The following ASNSD1 variants were observed in gnomAD, a reference collection of about 807,000 sequenced individuals.
The protein encoded by ASNSD1 is asparagine synthetase domain containing 1.
A neutral mutation model predicts 48.3 loss-of-function variants in ASNSD1; 36 were observed. The ratio of observed to expected loss-of-function variants is 0.75; its 90% CI spans 0.57 to 0.99. ASNSD1 has a LOEUF of 0.99. Among genes scored for constraint, ASNSD1 ranks in the 50% least tolerant of loss-of-function variants. ASNSD1 has a pLI of 0.00. For synonymous variants in ASNSD1, 257 were observed against 262.1 expected (o/e 0.98, Z 0.19); for missense variants, 714 against 758.2 (o/e 0.94, Z 0.69).
rs746917768 is a variant in ASNSD1, at chr2:189,666,525, A to G, written c.393A>G (p.Leu131=). The change falls in exon 4 of 6, where the codon TTA becomes TTG. Residue 131 remains leucine, a synonymous_variant. Transcript: ENST00000260952. Reference sequence around the variant, plus strand: ...ATTATCAAGCATCTAGTCATTATTTATGGTTTGGTAGGGATTTTTTTGGTC... The same window carrying G: ...ATTATCAAGCATCTAGTCATTATTTGTGGTTTGGTAGGGATTTTTTTGGTC... ...FIYYQASSHY[L]WFGRDFFGRR... 8 of 1,613,454 alleles carry G rather than the reference A, an allele frequency of 5.0e-6. No individual in the cohort carries two copies. The African/African-American group carries it at 1.1e-4, about 22-fold the overall frequency.
At position 189,667,534 on chromosome 2, in the gene ASNSD1, T is replaced by C. The variant is rs1305653411; in HGVS notation, c.1402T>C (p.Ser468Pro). ...CATTGGCTGTGCAGTCTGGTTTGCT[T>C]CTAGAGGAATTGGTTGGTTAGTGGC... ...DSIGCAVWFA[S>P]RGIGWLVAQE... is the part of the protein sequence containing the mutation. Residue 468 changes from serine (S) to proline (P), a missense_variant, in exon 4 of 6, where the codon TCT becomes CCT. Coordinates refer to ENST00000260952, the MANE Select transcript of ASNSD1 (RefSeq NM_019048.4). The C allele has an allele frequency of 1.9e-6, 3 of 1,613,978 alleles. No homozygotes were observed. The highest frequency in any genetic ancestry group is 2.5e-6 in the Non-Finnish European group (3 of 1,179,994).
At chr2:189,663,796 A>G in intron 1 of ASNSD1, 105 bp from the exon 2 acceptor site, 1 of 347,632 alleles carries the variant, frequency 2.9e-6, no homozygotes. Flanking sequence ...CCAGTACATC[A>G]TAGCCCCTTA....
At chr2:189,664,023 T>G (rs1047576981) in intron 2 of ASNSD1, 69 bp downstream of exon 2, 8 of 365,472 alleles carry the variant, frequency 2.2e-5, no homozygotes, top group Non-Finnish European at 3.9e-5. Flanking sequence ...ATTAAAGTTA[T>G]AAGAAGTATA....
Position 189,666,097 on chromosome 2 carries a change from A to G in ASNSD1, c.-36A>G, listed in dbSNP as rs774540498. 2.0e-6 allele frequency: 3 copies of G among 1,497,628 alleles called. No homozygotes were observed. Among genetic ancestry groups the G allele is most frequent in the Non-Finnish European group, 8.9e-7 (1 of 1,127,114 alleles). The allele number at this position is 1,497,628 out of a possible 1,614,324, so 92.8% of individuals were successfully genotyped here. A position where few individuals can be genotyped will look rare whatever the true frequency, so the allele number is the denominator to read the frequency against. Reference sequence around the variant, plus strand: ...AGAAATAGAAAACTTAGACAAGACCAAAATCAAGAAATAGTCAACCTGATT... The same window carrying G: ...AGAAATAGAAAACTTAGACAAGACCGAAATCAAGAAATAGTCAACCTGATT... On this transcript the variant is annotated 5_prime_UTR_variant, in exon 4 of 6. Coordinates refer to ENST00000260952, the MANE Select transcript of ASNSD1 (RefSeq NM_019048.4).
At chr2:189,662,569 G>A (rs1267119487) in intron 1 of ASNSD1, among the ~76,000 whole-genome samples, 1 of 152,062 alleles carries the variant, frequency 6.6e-6, no homozygotes, top group Non-Finnish European at 1.5e-5. Context: ...GGGATTGGGG[G>A]TGAATTTTCA....
chr2:189,669,329 T>C (rs1428718548), intron 5 of ASNSD1, among the ~76,000 whole-genome samples: 1 of 152,250 alleles, frequency 6.6e-6, no homozygotes, highest in Non-Finnish European at 1.5e-5. Flanking sequence ...CAGTCTGTTA[T>C]TTCAGCTAGG....
intron 5 of ASNSD1, 32 bp from the exon 6 acceptor site, chr2:189,670,409 T>C: frequency 6.5e-7 from 1 of 1,541,646 alleles, no homozygotes; most frequent in Non-Finnish European, 8.8e-7. Context: ...ATTTTATTTT[T>C]ACATAGTGGT....
intron 2 of ASNSD1, among the ~76,000 whole-genome samples, 189 bp downstream of exon 2, chr2:189,664,143 CT>C (rs1254313303): frequency 3.9e-5 from 6 of 152,046 alleles, no homozygotes; most frequent in Non-Finnish European, 8.8e-5. Context: ...CTGAAGATGT[CT>C]TTTTTCTATC....
At chr2:189,661,735 C>G (rs1160004512) in intron 1 of ASNSD1, 125 bp downstream of exon 1, 3 of 397,776 alleles carry the variant, frequency 7.5e-6, no homozygotes, top group Non-Finnish European at 1.3e-5. Flanking sequence ...CTACTTTGCT[C>G]TTTTTATTCA....
rs1300656417 is a variant in ASNSD1 at position 189,665,614 on chromosome 2, A to ATATATG, written c.-93+168_-93+169insGTATAT. On this transcript the variant is annotated intron_variant, in intron 3 of 5. Transcript: ENST00000260952. ...TATATATGTGTATATATATATATAT[A>ATATATG]TATATATATATATATATATATATAT... Among the ~76,000 whole-genome samples the ATATATG allele has an allele frequency of 9.4e-5, 9 of 95,636 alleles. 1 individual carries two copies. Among genetic ancestry groups the ATATATG allele is most frequent in the African/African-American group, 2.4e-4 (6 of 24,496 alleles). 62.7% of individuals were successfully genotyped at this position (95,636 alleles called of 152,430 possible).
chr2:189,663,167 A>G (rs894052592), intron 1 of ASNSD1, among the ~76,000 whole-genome samples: 1 of 151,568 alleles, frequency 6.6e-6, no homozygotes, highest in Non-Finnish European at 1.5e-5. Flanking sequence ...GCTTTTTTTT[A>G]AATCTAAATC....
Position 189,666,090 on chromosome 2 carries a change from C to G in ASNSD1, c.-43C>G. The stretch of plus-strand genomic sequence containing the variant: ...AATACCAAGAAATAGAAAACTTAGA[C>G]AAGACCAAAATCAAGAAATAGTCAA... On this transcript the variant is annotated 5_prime_UTR_variant, in exon 4 of 6. Coordinates refer to ENST00000260952, the MANE Select transcript of ASNSD1 (RefSeq NM_019048.4). 6.7e-7 allele frequency: 1 copy of G among 1,488,592 alleles called. No individual in the cohort carries two copies. Among genetic ancestry groups the G allele is most frequent in the Non-Finnish European group, 8.9e-7 (1 of 1,122,088 alleles). 92.2% of individuals were successfully genotyped at this position (1,488,592 alleles called of 1,614,324 possible).
intron 5 of ASNSD1, 32 bp downstream of exon 5, chr2:189,667,977 A>G (rs557706322): frequency 7.1e-5 from 112 of 1,570,866 alleles, no homozygotes; most frequent in Non-Finnish European, 8.2e-5. Flanking sequence ...TTCTTACGGT[A>G]TTTTTATAAA....
intron 3 of ASNSD1, 36 bp downstream of exon 3, chr2:189,665,487 C>T: frequency 2.5e-6 from 1 of 393,818 alleles, no homozygotes; most frequent in Non-Finnish European, 4.5e-6. Context: ...TTGGGGGGTG[C>T]CTAAATTATA....
chr2:189,665,602 A>AAC (rs1559034401), intron 3 of ASNSD1, among the ~76,000 whole-genome samples, 151 bp downstream of exon 3: 2 of 7,648 alleles, frequency 2.6e-4, no homozygotes, highest in African/African-American at 9.0e-4. Flanking sequence ...ATATGTGTAT[A>AAC]TATATATATA....
intron 3 of ASNSD1, 140 bp downstream of exon 3, chr2:189,665,591 T>G (rs2032768692): frequency 7.4e-5 from 1 of 13,488 alleles, no homozygotes; most frequent in African/African-American, 2.0e-4. Context: ...CAGTTATATA[T>G]ATATGTGTAT....
chr2:189,665,719 C>G (rs764840244), intron 3 of ASNSD1, among the ~76,000 whole-genome samples: 30 of 148,188 alleles, frequency 2.0e-4, no homozygotes, highest in Middle Eastern at 3.6e-3. Flanking sequence ...GTATGACAAA[C>G]CATTACCACT....
chr2:189,669,201 T>G (rs1033094286), intron 5 of ASNSD1, among the ~76,000 whole-genome samples: 3 of 152,252 alleles, frequency 2.0e-5, no homozygotes, highest in Admixed American at 6.5e-5. Flanking sequence ...TTAGCTACTA[T>G]GTCATTATTC....
At chr2:189,669,821 TTTTG>T (rs981317323) in intron 5 of ASNSD1, among the ~76,000 whole-genome samples, 70 of 152,298 alleles carry the variant, frequency 4.6e-4, no homozygotes, top group African/African-American at 1.5e-3. Context: ...AAATCTAATA[TTTTG>T]TTCTGTTACA....
Sources: allele counts gnomAD v4.1 joint callset (sites outside exome capture counted in the v4.1 genomes callset), GRCh38; gene constraint gnomAD v4.1.1; transcripts MANE v1.5; gene names NCBI Gene and HGNC (gene_info 2026-07-23, HGNC 2026-07-21).